Variants in RIN3 observed in about 807,000 individuals in gnomAD.
RIN3 encodes the protein RAB5 interacting protein 3.
A neutral mutation model predicts 76.3 loss-of-function variants in RIN3; 54 were observed. The observed-to-expected ratio is 0.71, with a 90% CI of 0.57 to 0.89. RIN3 has a LOEUF of 0.89. RIN3 is among the 40% of genes least tolerant of loss of function. RIN3 has a pLI of 0.00. For synonymous variants in RIN3, 576 were observed against 564.0 expected (o/e 1.02, Z -0.30); for missense variants, 1,256 against 1,322.1 (o/e 0.95, Z 0.78).
intron 7 of RIN3, among the ~76,000 whole-genome samples, chr14:92,664,727 G>A (rs1421204245): frequency 2.0e-5 from 3 of 152,070 alleles, no homozygotes; most frequent in Non-Finnish European, 4.4e-5. Context: ...TAGCGTAAGG[G>A]TAACTTACAT....
At chr14:92,630,863 C>T (rs1886551034) in intron 4 of RIN3, among the ~76,000 whole-genome samples, 1 of 152,168 alleles carries the variant, frequency 6.6e-6, no homozygotes, top group Non-Finnish European at 1.5e-5. Context: ...GCTTGTGACC[C>T]TGGGCAAGTC....
At chr14:92,555,438 TAAGA>T (rs972167316) in intron 1 of RIN3, among the ~76,000 whole-genome samples, 12 of 152,148 alleles carry the variant, frequency 7.9e-5, no homozygotes, top group African/African-American at 2.9e-4. Flanking sequence ...CTGTCCGGTT[TAAGA>T]GATCCCAGAC....
chr14:92,561,044 A>AAAAAATAAATATATATATATATATAT (rs1555383856), intron 2 of RIN3, among the ~76,000 whole-genome samples: 1 of 24,398 alleles, frequency 4.1e-5, no homozygotes, highest in Non-Finnish European at 7.9e-5. Context: ...AAAAAAAAAA[A>AAAAAATAAATATATATATATATATAT]ATATATATAT....
chr14:92,606,422 G>C (rs1422321489), intron 3 of RIN3, among the ~76,000 whole-genome samples: 1 of 152,068 alleles, frequency 6.6e-6, no homozygotes, highest in Non-Finnish European at 1.5e-5. Flanking sequence ...GTGCATGCCT[G>C]TAGTTCCAGC....
At chr14:92,632,536 G>A (rs1020585235) in intron 4 of RIN3, among the ~76,000 whole-genome samples, 3 of 152,200 alleles carry the variant, frequency 2.0e-5, no homozygotes, top group Admixed American at 1.3e-4. Flanking sequence ...TCTTATTGCT[G>A]TTATAGATAA....
At chr14:92,534,587 C>A (rs1245113816) in intron 1 of RIN3, among the ~76,000 whole-genome samples, 62 of 134,340 alleles carry the variant, frequency 4.6e-4, no homozygotes, top group Admixed American at 6.7e-4. Context: ...GACTCCATCT[C>A]AAAAAAAAAA....
chr14:92,524,245 C>T (rs938461117), intron 1 of RIN3, among the ~76,000 whole-genome samples: 1 of 152,150 alleles, frequency 6.6e-6, no homozygotes, highest in East Asian at 1.9e-4. Context: ...TTCAACAATG[C>T]CTGTGTTCTT....
intron 2 of RIN3, among the ~76,000 whole-genome samples, chr14:92,561,159 T>TTATATTTATA (rs1274266576): frequency 5.9e-5 from 8 of 134,792 alleles, no homozygotes; most frequent in Non-Finnish European, 1.1e-4. Flanking sequence ...ATATATATAT[T>TTATATTTATA]TATATATATA....
At chr14:92,632,344 G>C (rs770882325) in intron 4 of RIN3, among the ~76,000 whole-genome samples, 27 of 152,096 alleles carry the variant, frequency 1.8e-4, no homozygotes, top group Non-Finnish European at 3.7e-4. Context: ...TGAGCCTTTG[G>C]GCTGCGACTG....
intron 3 of RIN3, among the ~76,000 whole-genome samples, chr14:92,592,092 GA>G (rs1884996840): frequency 6.6e-6 from 1 of 152,100 alleles, no homozygotes; most frequent in African/African-American, 2.4e-5. Flanking sequence ...AAGAAATTAA[GA>G]TTGTTTTGTT....
intron 2 of RIN3, chr14:92,576,468 C>T: frequency 8.3e-7 from 1 of 1,209,308 alleles, no homozygotes; most frequent in South Asian, 1.3e-5. Flanking sequence ...ACAGCAGAAG[C>T]AAGTCTTCCT....
chr14:92,669,469 G>A (rs1418778092), intron 7 of RIN3, among the ~76,000 whole-genome samples: 1 of 152,190 alleles, frequency 6.6e-6, no homozygotes. Flanking sequence ...CTTAGCTGAG[G>A]AGGTCTTCAA....
chr14:92,660,330 G>A (rs1269309382), intron 7 of RIN3, among the ~76,000 whole-genome samples: 3 of 152,152 alleles, frequency 2.0e-5, no homozygotes, highest in Non-Finnish European at 2.9e-5. Flanking sequence ...CTGGGTGGGT[G>A]GTTGGCTGTT....
Position 92,653,084 on chromosome 14 carries a change from C to T in RIN3, c.2026+9C>T. On this transcript the variant is annotated intron_variant, in intron 6 of 9. Transcript: ENST00000216487. ...CTCCGAGGAGGAGCTCGGTCAGTGC[C>T]CTGGGAGGAGGTGGCAGGGAGGAGA... 1.3e-6 allele frequency: 2 copies of T among 1,593,002 alleles called. No homozygotes were observed. The highest frequency in any genetic ancestry group is 1.3e-5 in the African/African-American group (1 of 74,818).
chr14:92,521,688 G>A (rs1896601405), intron 1 of RIN3, among the ~76,000 whole-genome samples: 1 of 152,194 alleles, frequency 6.6e-6, no homozygotes, highest in African/African-American at 2.4e-5. Context: ...CATACAGCCT[G>A]CAGAACCATG....
chr14:92,579,217 C>T (rs771990575), intron 3 of RIN3, among the ~76,000 whole-genome samples: 7 of 152,214 alleles, frequency 4.6e-5, no homozygotes, highest in African/African-American at 7.2e-5. Flanking sequence ...CGTGAGCCAC[C>T]GTGCCCGGCC....
intron 3 of RIN3, among the ~76,000 whole-genome samples, chr14:92,609,070 C>T (rs1005371122): frequency 3.3e-5 from 5 of 152,118 alleles, no homozygotes; most frequent in African/African-American, 4.8e-5. Flanking sequence ...CCCCAAAGTC[C>T]GTTCTATCAC....
chr14:92,521,202 G>C (rs1458740258), intron 1 of RIN3, among the ~76,000 whole-genome samples: 1 of 147,880 alleles, frequency 6.8e-6, no homozygotes, highest in Non-Finnish European at 1.5e-5. Flanking sequence ...TCCACCCATC[G>C]ACCTATCCAC....
In RIN3 at chr14:92,685,159, T is replaced by A. The variant is rs201240056; in HGVS notation, c.2631+9T>A. ...CCCGCTCCTCCGTACAGGTGAGGCC[T>A]GAGAGCGGGAGGGGCCCGGTGGGGC... is the stretch of plus-strand genomic sequence containing the variant. On this transcript the variant is annotated intron_variant, in intron 9 of 9. Transcript: ENST00000216487. This position sits in a 1 kb window ranked among gnomAD's most constrained non-coding sequence, Gnocchi z 4.7. 10 of 1,595,384 alleles carry A rather than the reference T, an allele frequency of 6.3e-6. No homozygotes were observed. Among genetic ancestry groups the A allele is most frequent in the Non-Finnish European group, 8.6e-7 (1 of 1,167,534 alleles).
Sources: gnomAD v4.1 joint callset for allele counts (sites outside exome capture counted in the v4.1 genomes callset) on GRCh38, gnomAD v4.1.1 for gene constraint, Gnocchi (gnomAD v3.1) non-coding constraint, MANE v1.5 for transcripts, NCBI Gene and HGNC (gene_info 2026-07-23, HGNC 2026-07-21) for gene names.